ETV1: variants seen among roughly 807,000 people sequenced by gnomAD.
The protein encoded by ETV1 is ETS variant transcription factor 1.
In ETV1, 27 loss-of-function variants were observed where a neutral mutation model predicts 62.3. The observed-to-expected ratio is 0.43, with a 90% CI of 0.32 to 0.60. ETV1 has a LOEUF of 0.60. Among genes scored for constraint, ETV1 ranks in the 20% least tolerant of loss-of-function variants. The pLI is 0.06. For synonymous variants in ETV1, 222 were observed against 199.6 expected (o/e 1.11, Z -0.94); for missense variants, 605 against 605.8 (o/e 1.00, Z 0.01).
chr7:13,897,799 T>A (rs1026252195), intron 13 of ETV1, among the ~76,000 whole-genome samples: 1 of 152,210 alleles, frequency 6.6e-6, no homozygotes, highest in Non-Finnish European at 1.5e-5. Context: ...TTTATTTTTT[T>A]CTTTGTTCAA....
At chr7:13,953,290 T>C (rs1359499102) in intron 6 of ETV1, among the ~76,000 whole-genome samples, 5 of 152,182 alleles carry the variant, frequency 3.3e-5, no homozygotes, top group Non-Finnish European at 5.9e-5. Context: ...CAAAATTTGC[T>C]ATACTTAATA....
At chr7:13,919,873 A>G (rs545622733) in intron 9 of ETV1, among the ~76,000 whole-genome samples, 1 of 151,646 alleles carries the variant, frequency 6.6e-6, no homozygotes, top group East Asian at 1.9e-4. Flanking sequence ...AGACAAAAAC[A>G]CACAAAGACA....
chr7:13,986,426 T>C (rs1782556844), intron 5 of ETV1: 2 of 1,488,236 alleles, frequency 1.3e-6, no homozygotes, highest in Non-Finnish European at 1.8e-6. Flanking sequence ...CTGGAAGCAA[T>C]TTCTCCTGGT....
Position 13,931,675 on chromosome 7 carries a change from A to G in ETV1, c.629T>C (p.Met210Thr). Residue 210 changes from methionine (M) to threonine (T), a missense_variant, in exon 9 of 14, where the codon ATG (methionine) becomes ACG (threonine). Around this residue, in one of 3 missense-constraint regions of ETV1, gnomAD observed 426 missense variants for 377.8 expected, o/e 1.13. Transcript: ENST00000430479. Reference protein sequence around the residue: ...LPTMPREGRPMYQRQMSEPNI... With the variant: ...LPTMPREGRPTYQRQMSEPNI... ...TGGCTCAGACATCTGGCGTTGGTACATAGGACGTCCTTCCCTTGGCATCGT... is the reference window on the plus strand; with the variant it reads ...TGGCTCAGACATCTGGCGTTGGTACGTAGGACGTCCTTCCCTTGGCATCGT... The G allele has an allele frequency of 6.2e-7, 1 of 1,613,974 alleles. No homozygotes were observed.
chr7:13,926,635 GA>G (rs1785458359), intron 9 of ETV1, among the ~76,000 whole-genome samples: 1 of 152,080 alleles, frequency 6.6e-6, no homozygotes, highest in African/African-American at 2.4e-5. Flanking sequence ...GTTGGATTTA[GA>G]CAAAAACAAC....
rs79681980 is a variant in ETV1 at position 13,893,341 on chromosome 7, A to C, written c.*2525T>G. ...ACATAAAAACTCAACCAAAAAGTGG[A>C]ATCAAAACAGAACTTAAAAAATTTT... On this transcript the variant is annotated 3_prime_UTR_variant, in exon 14 of 14. Coordinates refer to ENST00000430479, the MANE Select transcript of ETV1 (RefSeq NM_004956.5). 2,784 of 231,760 alleles carry C rather than the reference A, an allele frequency of 0.012. 212 individuals carry two copies. The East Asian group carries it at 0.15, about 13-fold the overall frequency. 14.4% of individuals were successfully genotyped at this position (231,760 alleles called of 1,614,324 possible). A position where few individuals can be genotyped will look rare whatever the true frequency, so the allele number is the denominator to read the frequency against.
chr7:13,909,750 A>G (rs1783375221), intron 10 of ETV1, 50 bp from the exon 11 acceptor site: 2 of 1,414,088 alleles, frequency 1.4e-6, no homozygotes, highest in Non-Finnish European at 2.0e-6. Flanking sequence ...TGAAGCTCAC[A>G]AACACTTAAA....
chr7:13,970,997 A>T (rs1458242024), intron 6 of ETV1, among the ~76,000 whole-genome samples: 1 of 151,892 alleles, frequency 6.6e-6, no homozygotes, highest in Non-Finnish European at 1.5e-5. Flanking sequence ...TTTGAGACAG[A>T]ATCTTACTCT....
chr7:13,971,264 C>A lies in ETV1; in HGVS notation c.235+6163G>T, dbSNP rs533336657. Among the ~76,000 whole-genome samples, 56 of 152,278 alleles carry A rather than the reference C, an allele frequency of 3.7e-4. No homozygotes were observed. The South Asian group carries it at 0.011, about 29-fold the overall frequency. ...GGGACTACAGGCGTGAGCCAATGTG[C>A]CCGACCCAAATGCTATTCTTAAAAC... On this transcript the variant is annotated intron_variant, in intron 6 of 13. Transcript: ENST00000430479.
intron 9 of ETV1, among the ~76,000 whole-genome samples, chr7:13,921,970 T>C (rs17167657): frequency 0.035 from 5,394 of 152,284 alleles, 143 homozygotes; most frequent in South Asian, 0.11. Context: ...AAAATGAATA[T>C]CTTCAAATGT....
At chr7:13,922,306 T>C (rs1436898822) in intron 9 of ETV1, among the ~76,000 whole-genome samples, 1 of 152,222 alleles carries the variant, frequency 6.6e-6, no homozygotes, top group Non-Finnish European at 1.5e-5. Flanking sequence ...GACACTTCCA[T>C]ACTTTCAAAG....
At chr7:13,937,603 G>A (rs548268512) in intron 7 of ETV1, among the ~76,000 whole-genome samples, 16 of 152,276 alleles carry the variant, frequency 1.1e-4, no homozygotes, top group African/African-American at 3.6e-4. Flanking sequence ...GAAAGGCAAT[G>A]ACAATTCTAT....
At chr7:13,948,956 T>TA (rs1321435055) in intron 6 of ETV1, among the ~76,000 whole-genome samples, 2 of 152,090 alleles carry the variant, frequency 1.3e-5, no homozygotes, top group Non-Finnish European at 2.9e-5. Flanking sequence ...ACTAGCTGAT[T>TA]AAAAAAATGA....
intron 7 of ETV1, among the ~76,000 whole-genome samples, chr7:13,938,111 A>G (rs1474825578): frequency 6.6e-6 from 1 of 152,004 alleles, no homozygotes; most frequent in African/African-American, 2.4e-5. Context: ...ATGCCCAGCT[A>G]ATTTTGTATT....
At chr7:13,990,352 G>C (rs142540493), upstream of ETV1, 1 of 152,382 alleles carries the variant, frequency 6.6e-6, no homozygotes, top group East Asian at 1.9e-4. Flanking sequence ...AGCAGAGGTT[G>C]TGATGGGAGG....
intron 3 of ETV1, chr7:13,988,663 T>C (rs780497667): frequency 6.3e-7 from 1 of 1,586,482 alleles, no homozygotes; most frequent in Non-Finnish European, 8.5e-7. Context: ...ACAAAAAGTG[T>C]CAGCATTTGT....
At chr7:13,976,531 TG>T (rs1427692982) in intron 6 of ETV1, among the ~76,000 whole-genome samples, 1 of 152,178 alleles carries the variant, frequency 6.6e-6, no homozygotes, top group African/African-American at 2.4e-5. Flanking sequence ...ATCTGTTACT[TG>T]AAGTAATGCA....
intron 5 of ETV1, among the ~76,000 whole-genome samples, chr7:13,982,631 A>C (rs954033132): frequency 1.3e-5 from 2 of 152,012 alleles, no homozygotes; most frequent in Non-Finnish European, 2.9e-5. Flanking sequence ...CTCCCCGCCC[A>C]CACACACATG....
intron 6 of ETV1, chr7:13,958,770 A>G (rs2128480416): frequency 6.6e-6 from 1 of 152,352 alleles, no homozygotes. Context: ...TCACCAAAAG[A>G]AAGAGATAAT....
Sources: gnomAD v4.1 joint callset for allele counts (sites outside exome capture counted in the v4.1 genomes callset) on GRCh38, gnomAD v4.1.1 for gene constraint, gnomAD v4.1.1 regional missense constraint, MANE v1.5 for transcripts, NCBI Gene and HGNC (gene_info 2026-07-23, HGNC 2026-07-21) for gene names.